MLLT10: variants seen among roughly 807,000 people sequenced by gnomAD.
MLLT10 encodes the protein MLLT10 histone lysine methyltransferase DOT1L cofactor, also known as protein AF-10.
MLLT10 carries 30 observed loss-of-function variants against 129.1 expected under a neutral mutation model. The ratio of observed to expected loss-of-function variants is 0.23; its 90% CI spans 0.17 to 0.32. The LOEUF is 0.32. Ranked by LOEUF, MLLT10 falls within the 10% of genes least tolerant of loss-of-function variation. The probability of loss-of-function intolerance (pLI) is 1.00; values close to 1 mark genes in which losing one functional copy is unlikely to be tolerated. For synonymous variants in MLLT10, 490 were observed against 446.4 expected (o/e 1.10, Z -1.23); for missense variants, 1,119 against 1,268.3 (o/e 0.88, Z 1.79).
intron 4 of MLLT10, among the ~76,000 whole-genome samples, chr10:21,590,928 A>T (rs1411275226): frequency 6.6e-6 from 1 of 152,012 alleles, no homozygotes; most frequent in Non-Finnish European, 1.5e-5. Context: ...TTGTTTTCTA[A>T]CTTATAAAGG....
intron 8 of MLLT10, among the ~76,000 whole-genome samples, chr10:21,618,575 T>C (rs578115462): frequency 2.4e-4 from 37 of 152,226 alleles, no homozygotes; most frequent in African/African-American, 8.2e-4. Context: ...ACTTAAGTAG[T>C]TTTGAGAGTA....
Position 21,673,860 on chromosome 10 carries a change from C to G in MLLT10, c.1562C>G (p.Thr521Arg). Reference sequence around the variant, plus strand: ...AGCTCTAGTCTGCAGAAATCTCCTACATTGCTCAGGAATGGAAGTTTACAG... The same window carrying G: ...AGCTCTAGTCTGCAGAAATCTCCTAGATTGCTCAGGAATGGAAGTTTACAG... ...ITSSSLQKSP[T>R]LLRNGSLQSL... The change falls in exon 11 of 23, where the codon ACA (threonine) becomes AGA (arginine). Residue 521 changes from threonine to arginine, a missense_variant. Physicochemically the swap from Thr to Arg is moderately conservative, Grantham distance 71 (BLOSUM62 -1). Around this residue, in one of 5 missense-constraint regions of MLLT10, gnomAD observed 1,004 missense variants for 1,008.7 expected, o/e 1.00. Coordinates refer to ENST00000307729, the MANE Select transcript of MLLT10 (RefSeq NM_001195626.3). 1 of 1,613,834 alleles carries G rather than the reference C, an allele frequency of 6.2e-7. No individual in the cohort carries two copies. The highest frequency in any genetic ancestry group is 8.5e-7 in the Non-Finnish European group (1 of 1,179,850).
At chr10:21,596,450 A>G (rs2043025177) in intron 5 of MLLT10, among the ~76,000 whole-genome samples, 1 of 152,170 alleles carries the variant, frequency 6.6e-6, no homozygotes. Context: ...GGTGTCTGGC[A>G]TTTAGTATAC....
At chr10:21,584,366 G>T (rs7905967) in intron 3 of MLLT10, among the ~76,000 whole-genome samples, 48,280 of 150,680 alleles carry the variant, frequency 0.32, 8,144 homozygotes, top group Middle Eastern at 0.47. Context: ...GGTTTCACCA[G>T]GTTGGCCAGG....
At chr10:21,732,750 T>C (rs2058066423) in intron 17 of MLLT10, 149 bp from the exon 18 acceptor site, 2 of 643,598 alleles carry the variant, frequency 3.1e-6, no homozygotes, top group Non-Finnish European at 4.7e-6. Context: ...CATAAACAAA[T>C]TTAGGAACAA....
intron 3 of MLLT10, among the ~76,000 whole-genome samples, chr10:21,541,809 C>T (rs1382022008): frequency 6.6e-6 from 1 of 152,144 alleles, no homozygotes; most frequent in Non-Finnish European, 1.5e-5. Context: ...CATCCGTGCC[C>T]GGCCAGAGCA....
chr10:21,640,341 T>A (rs1404803520), intron 8 of MLLT10, among the ~76,000 whole-genome samples: 2 of 146,528 alleles, frequency 1.4e-5, no homozygotes, highest in East Asian at 3.9e-4. Flanking sequence ...TTACATAAAA[T>A]ATATATACAC....
chr10:21,633,059 T>C (rs972967234), intron 8 of MLLT10, among the ~76,000 whole-genome samples: 24 of 152,234 alleles, frequency 1.6e-4, no homozygotes, highest in Non-Finnish European at 1.0e-4. Flanking sequence ...ATCACTATGG[T>C]AGCTCATATT....
At chr10:21,698,988 C>T (rs1184851187) in intron 13 of MLLT10, among the ~76,000 whole-genome samples, 2 of 152,340 alleles carry the variant, frequency 1.3e-5, no homozygotes, top group East Asian at 3.9e-4. Flanking sequence ...AATCCTCCTG[C>T]CTCAGCCCCC....
chr10:21,654,453 G>A (rs778331606), intron 9 of MLLT10, among the ~76,000 whole-genome samples: 13 of 152,086 alleles, frequency 8.5e-5, no homozygotes, highest in Admixed American at 1.3e-4. Context: ...AAATCCAGAC[G>A]TTTTTTGGTA....
At chr10:21,577,516 T>G (rs1589039690) in intron 3 of MLLT10, among the ~76,000 whole-genome samples, 1 of 147,018 alleles carries the variant, frequency 6.8e-6, no homozygotes, top group African/African-American at 2.5e-5. Flanking sequence ...CAGGCTGGAG[T>G]GCAATGGTGC....
At chr10:21,696,118 A>G (rs768179967) in intron 13 of MLLT10, among the ~76,000 whole-genome samples, 1 of 151,938 alleles carries the variant, frequency 6.6e-6, no homozygotes, top group African/African-American at 2.4e-5. Flanking sequence ...TTCATACATT[A>G]TTGAGACAGG....
At chr10:21,705,751 G>T (rs2055429420) in intron 13 of MLLT10, among the ~76,000 whole-genome samples, 2 of 152,186 alleles carry the variant, frequency 1.3e-5, no homozygotes, top group African/African-American at 4.8e-5. Context: ...ACAGTGTGTA[G>T]CCTGTTGGGT....
intron 17 of MLLT10, among the ~76,000 whole-genome samples, chr10:21,731,768 G>C (rs2057988875): frequency 6.6e-6 from 1 of 152,176 alleles, no homozygotes; most frequent in Non-Finnish European, 1.5e-5. Flanking sequence ...AAAATGCAGA[G>C]TTAAAATAGG....
chr10:21,555,229 A>G (rs2037740691), intron 3 of MLLT10, among the ~76,000 whole-genome samples: 1 of 151,450 alleles, frequency 6.6e-6, no homozygotes, highest in African/African-American at 2.4e-5. Flanking sequence ...ATTTAATTTA[A>G]TTTTATTTTT....
intron 4 of MLLT10, among the ~76,000 whole-genome samples, chr10:21,590,473 G>A (rs2042390818): frequency 6.6e-6 from 1 of 151,910 alleles, no homozygotes; most frequent in African/African-American, 2.4e-5. Flanking sequence ...CAAGTAGCTG[G>A]GATTACAGGC....
Position 21,681,334 on chromosome 10 carries a change from A to G in MLLT10, c.1624A>G (p.Ile542Val). The G allele has an allele frequency of 6.2e-7, 1 of 1,612,386 alleles. No individual in the cohort carries two copies. Among genetic ancestry groups the G allele is most frequent in the Non-Finnish European group, 8.5e-7 (1 of 1,179,630 alleles). Residue 542 changes from isoleucine to valine, a missense_variant and splice_region_variant, in exon 12 of 23, where the codon ATT becomes GTT. Around this residue, in one of 5 missense-constraint regions of MLLT10, gnomAD observed 1,004 missense variants for 1,008.7 expected, o/e 1.00. Transcript: ENST00000307729. ...TCCTTTTTCCTTCCTCTCAACAGAA[A>G]TTTCCATGCAGTATCGGCATGATGG... Reference protein sequence around the residue: ...SVGSSPVGSEISMQYRHDGAC... With the variant: ...SVGSSPVGSEVSMQYRHDGAC...
rs575309718 is a variant in MLLT10, at chr10:21,552,494, C to T, written c.240+13582C>T. On this transcript the variant is annotated intron_variant, in intron 3 of 22. Transcript: ENST00000307729. ...GCAACCTTCACCTCCTGGGTTCAAG[C>T]GATTCTCCTGCCTCAGCCTCCTGAG... 3.9e-4 allele frequency among the ~76,000 whole-genome samples: 58 copies of T among 149,984 alleles called. No individual in the cohort carries two copies. The South Asian group carries it at 8.4e-3, about 22-fold the overall frequency.
intron 8 of MLLT10, among the ~76,000 whole-genome samples, chr10:21,628,165 C>G (rs751553435): frequency 2.0e-5 from 3 of 152,172 alleles, no homozygotes; most frequent in Non-Finnish European, 4.4e-5. Context: ...TTCCAAGCAG[C>G]GCCTGCATTT....
Sources: allele counts gnomAD v4.1 joint callset (sites outside exome capture counted in the v4.1 genomes callset), GRCh38; gene constraint gnomAD v4.1.1; regional missense constraint gnomAD v4.1.1; transcripts MANE v1.5; gene names NCBI Gene and HGNC (gene_info 2026-07-23, HGNC 2026-07-21).